PEX7: variants seen among roughly 807,000 people sequenced by gnomAD.
PEX7 encodes peroxisomal biogenesis factor 7.
A neutral mutation model predicts 47.5 loss-of-function variants in PEX7; 34 were observed. The ratio of observed to expected loss-of-function variants is 0.72; its 90% CI spans 0.54 to 0.95. The LOEUF is 0.95. Among genes scored for constraint, PEX7 ranks in the 40% least tolerant of loss-of-function variants. The probability of loss-of-function intolerance (pLI) is 0.00; values close to 1 mark genes in which losing one functional copy is unlikely to be tolerated. For synonymous variants in PEX7, 141 were observed against 148.8 expected (o/e 0.95, Z 0.38); for missense variants, 394 against 400.3 (o/e 0.98, Z 0.13).
At chr6:136,891,743 C>T (rs1043375284) in intron 8 of PEX7, among the ~76,000 whole-genome samples, 14 of 151,654 alleles carry the variant, frequency 9.2e-5, no homozygotes, top group Admixed American at 3.9e-4. Context: ...TGGGCTCAAG[C>T]GATCCTCCTG....
At chr6:136,868,615 C>T (rs2115221198) in intron 6 of PEX7, among the ~76,000 whole-genome samples, 1 of 151,966 alleles carries the variant, frequency 6.6e-6, no homozygotes, top group Non-Finnish European at 1.5e-5. Flanking sequence ...AAATTATTTT[C>T]TAATAACTGA....
chr6:136,909,511 A>G lies in PEX7; in HGVS notation c.904-3947A>G, dbSNP rs141014075. 2.5e-3 allele frequency among the ~76,000 whole-genome samples: 385 copies of G among 152,296 alleles called. 2 individuals are homozygous for G. The South Asian group carries it at 0.04, about 16-fold the overall frequency. On this transcript the variant is annotated intron_variant, in intron 9 of 9. Coordinates refer to ENST00000318471, the MANE Select transcript of PEX7 (RefSeq NM_000288.4). ...GGTCCCCTGGGGACCACATGGCACA[A>G]TAGTTTTTCCTTACCAGGAAGTTCC... is the stretch of plus-strand genomic sequence containing the variant.
intron 8 of PEX7, among the ~76,000 whole-genome samples, chr6:136,882,138 A>G (rs943908967): frequency 1.4e-5 from 2 of 145,970 alleles, no homozygotes; most frequent in African/African-American, 5.1e-5. Flanking sequence ...TGAAAATACT[A>G]TGATAATTCT....
intron 3 of PEX7, among the ~76,000 whole-genome samples, chr6:136,838,693 G>A (rs1279890914): frequency 6.6e-6 from 1 of 152,176 alleles, no homozygotes; most frequent in Non-Finnish European, 1.5e-5. Flanking sequence ...ACCTGCTGAA[G>A]TATTTAGGAA....
At chr6:136,903,412 G>C (rs1218658808) in intron 9 of PEX7, among the ~76,000 whole-genome samples, 2 of 143,946 alleles carry the variant, frequency 1.4e-5, no homozygotes. Flanking sequence ...CTGAGCTCAA[G>C]CAGTCCTCCT....
chr6:136,901,921 G>A (rs1378426435), intron 9 of PEX7, among the ~76,000 whole-genome samples: 2 of 152,152 alleles, frequency 1.3e-5, no homozygotes, highest in Admixed American at 6.5e-5. Context: ...GAGTAGCTGG[G>A]ATTACAGGCA....
intron 3 of PEX7, among the ~76,000 whole-genome samples, chr6:136,841,777 G>T (rs1184188224): frequency 1.3e-5 from 2 of 151,662 alleles, no homozygotes; most frequent in East Asian, 3.9e-4. Flanking sequence ...TAGAGACGGG[G>T]GTCTCGCCAT....
At chr6:136,831,891 G>T (rs1774300116) in intron 3 of PEX7, among the ~76,000 whole-genome samples, 1 of 152,228 alleles carries the variant, frequency 6.6e-6, no homozygotes, top group South Asian at 2.1e-4. Flanking sequence ...GCTTTCACTG[G>T]CTGGCATTGA....
chr6:136,911,987 A>T (rs754084506), intron 9 of PEX7, among the ~76,000 whole-genome samples: 4 of 152,120 alleles, frequency 2.6e-5, no homozygotes, highest in Non-Finnish European at 5.9e-5. Context: ...CATAATGTGA[A>T]TATATGGTGG....
At chr6:136,884,425 C>G (rs1453483737) in intron 8 of PEX7, among the ~76,000 whole-genome samples, 1 of 152,146 alleles carries the variant, frequency 6.6e-6, no homozygotes, top group Non-Finnish European at 1.5e-5. Flanking sequence ...GATAACTATA[C>G]AGATACTACC....
intron 8 of PEX7, among the ~76,000 whole-genome samples, chr6:136,878,212 G>A (rs182525319): frequency 8.6e-4 from 131 of 152,292 alleles, no homozygotes; most frequent in Non-Finnish European, 1.6e-3. Context: ...GGGCTGAGAC[G>A]ATGGGGCTTT....
intron 9 of PEX7, among the ~76,000 whole-genome samples, chr6:136,905,855 C>T (rs765790837): frequency 5.3e-5 from 8 of 152,154 alleles, no homozygotes; most frequent in Non-Finnish European, 8.8e-5. Flanking sequence ...GATTGCATTT[C>T]GGGGCCATAC....
At chr6:136,879,288 A>G (rs1007247634) in intron 8 of PEX7, among the ~76,000 whole-genome samples, 2 of 152,180 alleles carry the variant, frequency 1.3e-5, no homozygotes, top group African/African-American at 2.4e-5. Context: ...AGGAAATGCC[A>G]TAGATTTCTC....
At chr6:136,878,656 A>G (rs1775320917) in intron 8 of PEX7, among the ~76,000 whole-genome samples, 1 of 152,006 alleles carries the variant, frequency 6.6e-6, no homozygotes, top group South Asian at 2.1e-4. Flanking sequence ...GTTTTGTTGA[A>G]CCATTTTGTT....
chr6:136,827,989 T>C (rs1277731507), intron 3 of PEX7, among the ~76,000 whole-genome samples: 3 of 152,094 alleles, frequency 2.0e-5, no homozygotes, highest in Non-Finnish European at 4.4e-5. Context: ...AAAAATATTT[T>C]TCTTTTCAGA....
intron 5 of PEX7, among the ~76,000 whole-genome samples, chr6:136,851,903 C>T (rs1774763833): frequency 1.8e-5 from 1 of 54,706 alleles, no homozygotes; most frequent in South Asian, 6.3e-4. Context: ...GGATATTAGC[C>T]CTTTGTCAGA....
chr6:136,823,386 G>A (rs1253291990), intron 1 of PEX7: 1 of 980,548 alleles, frequency 1.0e-6, no homozygotes, highest in African/African-American at 1.8e-5. Flanking sequence ...GCAAGTAGGT[G>A]TTACAGACTC....
chr6:136,856,523 T>C (rs970740206), intron 5 of PEX7, among the ~76,000 whole-genome samples: 3 of 152,136 alleles, frequency 2.0e-5, no homozygotes, highest in Admixed American at 6.6e-5. Context: ...TTCTGTCCAG[T>C]AGGAGAAAGT....
chr6:136,822,827 G>A lies in PEX7; in HGVS notation c.130+32G>A, dbSNP rs747026397. On this transcript the variant is annotated intron_variant, in intron 1 of 9. Coordinates refer to ENST00000318471, the MANE Select transcript of PEX7 (RefSeq NM_000288.4). ...CGGCGCCGCGCAGCTGGGGCCGGGG[G>A]GCGGAGGCGGAGGCGGGGGCCAGCC... is the stretch of plus-strand genomic sequence containing the variant. 4.1e-5 allele frequency: 49 copies of A among 1,206,684 alleles called. No homozygotes were observed. In the African/African-American group the frequency reaches 8.1e-4, roughly 20 times the overall value. 74.7% of individuals were successfully genotyped at this position (1,206,684 alleles called of 1,614,324 possible).
Sources: allele counts gnomAD v4.1 joint callset (sites outside exome capture counted in the v4.1 genomes callset), GRCh38; gene constraint gnomAD v4.1.1; transcripts MANE v1.5; gene names NCBI Gene and HGNC (gene_info 2026-07-23, HGNC 2026-07-21).